RBFOX1: variants seen among roughly 807,000 people sequenced by gnomAD.
RBFOX1 encodes RNA binding protein fox-1 homolog 1.
Under a neutral mutation model 57.7 loss-of-function variants are expected in RBFOX1, and 8 were observed. The ratio of observed to expected loss-of-function variants is 0.14; its 90% CI spans 0.08 to 0.25. RBFOX1 has a LOEUF of 0.25. Among genes scored for constraint, RBFOX1 ranks in the 10% least tolerant of loss-of-function variants. The pLI, the probability that RBFOX1 is intolerant of heterozygous loss-of-function variation, is 1.00. For synonymous variants in RBFOX1, 326 were observed against 222.4 expected (o/e 1.47, Z -4.15); for missense variants, 611 against 548.5 (o/e 1.11, Z -1.14).
chr16:5,656,485 A>G (rs909494437), intron 3 of RBFOX1, among the ~76,000 whole-genome samples: 1 of 152,210 alleles, frequency 6.6e-6, no homozygotes, highest in Admixed American at 6.5e-5. Flanking sequence ...TACATAGTTA[A>G]CATATACAAC....
At chr16:7,442,158 C>T (rs1049686462) in intron 4 of RBFOX1, among the ~76,000 whole-genome samples, 1 of 152,082 alleles carries the variant, frequency 6.6e-6, no homozygotes, top group African/African-American at 2.4e-5. Context: ...GAACGGGACC[C>T]CAGAGATTTT....
rs147159852 is a variant in RBFOX1 at position 6,284,771 on chromosome 16, G to C, written c.-126-32224G>C. Among the ~76,000 whole-genome samples, 1,343 of 152,246 alleles carry C rather than the reference G, an allele frequency of 8.8e-3. 13 individuals are homozygous for C. Among genetic ancestry groups the C allele is most frequent in the African/African-American group, 0.028 (1,166 of 41,552 alleles). ...AATTATTTTCCCTTCTCAGTCATTGGTATTCAGCTAGGTGGTTTATGCTAG... is the reference window on the plus strand; with the variant it reads ...AATTATTTTCCCTTCTCAGTCATTGCTATTCAGCTAGGTGGTTTATGCTAG... On this transcript the variant is annotated intron_variant, in intron 1 of 15. Coordinates refer to ENST00000550418, the MANE Select transcript of RBFOX1 (RefSeq NM_018723.4).
At chr16:5,451,599 G>T (rs1046838252) in intron 1 of RBFOX1, among the ~76,000 whole-genome samples, 1 of 152,186 alleles carries the variant, frequency 6.6e-6, no homozygotes, top group African/African-American at 2.4e-5. Context: ...GATAGAAACA[G>T]AAATGACTAT....
chr16:6,184,863 G>T (rs896826056), intron 1 of RBFOX1, among the ~76,000 whole-genome samples: 1 of 152,000 alleles, frequency 6.6e-6, no homozygotes, highest in African/African-American at 2.4e-5. Context: ...CACCGCTTCT[G>T]GTCTACTACA....
chr16:6,343,266 C>T (rs2084848012), intron 2 of RBFOX1, among the ~76,000 whole-genome samples: 1 of 151,316 alleles, frequency 6.6e-6, no homozygotes, highest in Non-Finnish European at 1.5e-5. Flanking sequence ...AAAACTCTGT[C>T]TATTAGGTAA....
chr16:7,434,168 G>T (rs1181128690), intron 4 of RBFOX1, among the ~76,000 whole-genome samples: 1 of 151,990 alleles, frequency 6.6e-6, no homozygotes, highest in Non-Finnish European at 1.5e-5. Context: ...CAGACATGTG[G>T]TGGTATAAGA....
intron 2 of RBFOX1, among the ~76,000 whole-genome samples, chr16:6,495,045 T>C (rs186353527): frequency 1.3e-5 from 2 of 152,302 alleles, no homozygotes; most frequent in Admixed American, 1.3e-4. Flanking sequence ...CATCACCACT[T>C]AGAGGTAGTC....
chr16:7,583,829 CA>C (rs995873854), intron 6 of RBFOX1, among the ~76,000 whole-genome samples: 2 of 149,254 alleles, frequency 1.3e-5, no homozygotes, highest in African/African-American at 2.5e-5. Flanking sequence ...ACAATAAAAT[CA>C]AAAAAAACCA....
At chr16:6,909,661 T>C (rs1488683719) in intron 3 of RBFOX1, among the ~76,000 whole-genome samples, 1 of 152,230 alleles carries the variant, frequency 6.6e-6, no homozygotes, top group African/African-American at 2.4e-5. Flanking sequence ...CAAGTGAGGA[T>C]AGAGAAGTCG....
intron 2 of RBFOX1, among the ~76,000 whole-genome samples, chr16:6,479,959 A>C (rs538488909): frequency 6.6e-6 from 1 of 151,916 alleles, no homozygotes; most frequent in South Asian, 2.1e-4. Context: ...GCTGAGGCAC[A>C]AGAATTGCTT....
Position 5,272,250 on chromosome 16 carries a change from T to G in RBFOX1, c.219+32145T>G, listed in dbSNP as rs143800198. 2.8e-3 allele frequency among the ~76,000 whole-genome samples: 423 copies of G among 152,320 alleles called. 2 individuals are homozygous for G. The highest frequency in any genetic ancestry group is 9.2e-3 in the African/African-American group (382 of 41,568). On this transcript the variant is annotated intron_variant, in intron 1 of 2. Transcript: ENST00000585867. ...CTCATCCTAAAAATTTTCAGTAAAT[T>G]AGGGGATGGACATGTTAATTAGTTT...
intron 2 of RBFOX1, among the ~76,000 whole-genome samples, chr16:5,576,253 A>T (rs1440522232): frequency 2.0e-5 from 3 of 152,182 alleles, no homozygotes; most frequent in African/African-American, 7.2e-5. Context: ...GTGGTCTCCC[A>T]AAGTGTTGGG....
At chr16:7,128,140 A>G (rs1464003312) in intron 4 of RBFOX1, among the ~76,000 whole-genome samples, 1 of 152,156 alleles carries the variant, frequency 6.6e-6, no homozygotes, top group African/African-American at 2.4e-5. Context: ...GTGAAAAGCA[A>G]ATGTCTCCTT....
intron 3 of RBFOX1, among the ~76,000 whole-genome samples, chr16:5,698,458 A>G (rs2050917088): frequency 6.6e-6 from 1 of 152,100 alleles, no homozygotes; most frequent in African/African-American, 2.4e-5. Flanking sequence ...CATTTTGGTA[A>G]TTTAAGTTTT....
chr16:6,917,186 C>G (rs1269375816), intron 3 of RBFOX1, among the ~76,000 whole-genome samples: 1 of 152,160 alleles, frequency 6.6e-6, no homozygotes, highest in Non-Finnish European at 1.5e-5. Context: ...GACTGAGTTT[C>G]TGTTCTTAAT....
intron 1 of RBFOX1, among the ~76,000 whole-genome samples, chr16:5,339,394 C>T (rs981377617): frequency 6.7e-6 from 1 of 149,684 alleles, no homozygotes; most frequent in African/African-American, 2.5e-5. Flanking sequence ...GGCAATGGTC[C>T]TTATGAGACC....
At chr16:7,030,668 C>G (rs958232958) in intron 3 of RBFOX1, among the ~76,000 whole-genome samples, 1 of 152,132 alleles carries the variant, frequency 6.6e-6, no homozygotes, top group Non-Finnish European at 1.5e-5. Context: ...TGATCCTTAC[C>G]TTATTTACAT....
intron 2 of RBFOX1, among the ~76,000 whole-genome samples, chr16:6,416,404 A>G (rs189833220): frequency 2.3e-4 from 35 of 152,298 alleles, no homozygotes; most frequent in African/African-American, 7.2e-4. Context: ...AATGGCCACA[A>G]TGATGAGCAG....
intron 3 of RBFOX1, among the ~76,000 whole-genome samples, chr16:5,708,354 T>G (rs1324412781): frequency 6.6e-6 from 1 of 152,186 alleles, no homozygotes; most frequent in Non-Finnish European, 1.5e-5. Flanking sequence ...TCAAATTCAT[T>G]TTGAGCTTCC....
Sources: allele counts gnomAD v4.1 joint callset (sites outside exome capture counted in the v4.1 genomes callset), GRCh38; gene constraint gnomAD v4.1.1; transcripts MANE v1.5; gene names NCBI Gene and HGNC (gene_info 2026-07-23, HGNC 2026-07-21).